The following PLEKHA8 variants were observed in gnomAD, a reference collection of about 807,000 sequenced individuals.
PLEKHA8 encodes pleckstrin homology domain containing A8, also known as pleckstrin homology domain-containing family A member 8.
In PLEKHA8, 36 loss-of-function variants were observed where a neutral mutation model predicts 68.2. The observed-to-expected ratio is 0.53, with a 90% CI of 0.40 to 0.70. PLEKHA8 has a LOEUF of 0.70. PLEKHA8 is among the 30% of genes least tolerant of loss of function. The pLI is 0.00. For synonymous variants in PLEKHA8, 211 were observed against 216.1 expected (o/e 0.98, Z 0.20); for missense variants, 505 against 615.4 (o/e 0.82, Z 1.90).
chr7:30,066,800 C>T (rs900343722), intron 12 of PLEKHA8, among the ~76,000 whole-genome samples: 1 of 152,050 alleles, frequency 6.6e-6, no homozygotes, highest in Non-Finnish European at 1.5e-5. Flanking sequence ...AAAAGTTAAC[C>T]CAACCAAGAT....
chr7:30,110,416 C>T (rs896094037), intron 13 of PLEKHA8, among the ~76,000 whole-genome samples: 1 of 152,144 alleles, frequency 6.6e-6, no homozygotes, highest in Non-Finnish European at 1.5e-5. Flanking sequence ...GATCCATTCA[C>T]CAGTTAATGA....
Position 30,083,491 on chromosome 7 carries a change from A to G in PLEKHA8, c.*4704A>G, listed in dbSNP as rs1227965764. On this transcript the variant is annotated 3_prime_UTR_variant, in exon 14 of 14. Coordinates refer to ENST00000449726, the MANE Select transcript of PLEKHA8 (RefSeq NM_001197026.2). ...TCTCAGACAGTCAATAGTCCTGTGTACAGTGACTATTTGCATGATTTCTCA... is the reference window on the plus strand; with the variant it reads ...TCTCAGACAGTCAATAGTCCTGTGTGCAGTGACTATTTGCATGATTTCTCA... The G allele has an allele frequency of 1.0e-6, 1 of 984,626 alleles. No homozygotes were observed. Among genetic ancestry groups the G allele is most frequent in the African/African-American group, 1.7e-5 (1 of 57,214 alleles). 61.0% of individuals were successfully genotyped at this position (984,626 alleles called of 1,614,324 possible). A position where few individuals can be genotyped will look rare whatever the true frequency, so the allele number is the denominator to read the frequency against.
chr7:30,083,299 T>A lies in PLEKHA8; in HGVS notation c.*4512T>A. On this transcript the variant is annotated 3_prime_UTR_variant, in exon 14 of 14. Coordinates refer to ENST00000449726, the MANE Select transcript of PLEKHA8 (RefSeq NM_001197026.2). ...ATGTCCCTTTGTAATCCGCAGTTGC[T>A]TACTCAGGGGTTTCATAGTCATTTC... 2 of 985,022 alleles carry A rather than the reference T, an allele frequency of 2.0e-6. No homozygotes were observed. The highest frequency in any genetic ancestry group is 2.4e-6 in the Non-Finnish European group (2 of 829,518). The allele number at this position is 985,022 out of a possible 1,614,324, so 61.0% of individuals were successfully genotyped here.
At chr7:30,105,742 TC>T (rs1398413189) in intron 13 of PLEKHA8, among the ~76,000 whole-genome samples, 2 of 152,232 alleles carry the variant, frequency 1.3e-5, no homozygotes, top group Middle Eastern at 3.2e-3. Context: ...TCAAGAGTTT[TC>T]CTCCAGGTAT....
chr7:30,123,230 A>T (rs1377153999), intron 13 of PLEKHA8, among the ~76,000 whole-genome samples: 1 of 152,252 alleles, frequency 6.6e-6, no homozygotes, highest in African/African-American at 2.4e-5. Context: ...TATTTTATGG[A>T]TGAAACAGTA....
rs1792536532 is a variant in PLEKHA8, at chr7:30,052,857, A to C, written c.787A>C (p.Asn263His). ...SISSEENTDDNITVQGEIRKE... is the reference protein window; with the variant it reads ...SISSEENTDDHITVQGEIRKE... The stretch of plus-strand genomic sequence containing the variant: ...ATCAAGTGAGGAAAATACAGATGAT[A>C]ATATAACAGGTAAAAACAAAAGTAA... Residue 263 changes from asparagine to histidine, a missense_variant, in exon 7 of 14, where the codon AAT becomes CAT. Transcript: ENST00000449726. 1 of 1,573,072 alleles carries C rather than the reference A, an allele frequency of 6.4e-7. No individual in the cohort carries two copies. The highest frequency in any genetic ancestry group is 8.6e-7 in the Non-Finnish European group (1 of 1,168,674).
Position 30,080,540 on chromosome 7 carries a change from T to G in PLEKHA8, c.*1753T>G, listed in dbSNP as rs1374173703. On this transcript the variant is annotated 3_prime_UTR_variant, in exon 14 of 14. Transcript: ENST00000449726. Reference sequence around the variant, plus strand: ...GTAGGGAGGGGTATTGGTTTTGCCTTTGTGTGTCTTTAAACAAATGAACAT... The same window carrying G: ...GTAGGGAGGGGTATTGGTTTTGCCTGTGTGTGTCTTTAAACAAATGAACAT... The G allele has an allele frequency of 4.1e-6, 4 of 985,254 alleles. No homozygotes were observed. In the African/African-American group the frequency reaches 7.0e-5, roughly 17 times the overall value. The allele number at this position is 985,254 out of a possible 1,614,324, so 61.0% of individuals were successfully genotyped here. A position where few individuals can be genotyped will look rare whatever the true frequency, so the allele number is the denominator to read the frequency against.
intron 9 of PLEKHA8, among the ~76,000 whole-genome samples, chr7:30,056,738 AAAAAGTGTGT>A (rs1792976068): frequency 3.1e-5 from 3 of 97,308 alleles, no homozygotes; most frequent in South Asian, 4.9e-4. Flanking sequence ...AAAAAAAAAA[AAAAAGTGTGT>A]GTGTGTGTGT....
Position 30,049,290 on chromosome 7 carries a change from T to C in PLEKHA8, c.505T>C (p.Cys169Arg). 1 of 1,614,112 alleles carries C rather than the reference T, an allele frequency of 6.2e-7. No homozygotes were observed. Among genetic ancestry groups the C allele is most frequent in the Non-Finnish European group, 8.5e-7 (1 of 1,180,028 alleles). ...CNTFLKTLEE[C>R]MQIANAAFTS... The stretch of plus-strand genomic sequence containing the variant: ...TACTTTTCTGAAGACCTTGGAAGAA[T>C]GCATGCAGATCGCAAATGCAGCCTT... Residue 169 changes from cysteine (C) to arginine (R), a missense_variant, in exon 5 of 14, where the codon TGC (cysteine) becomes CGC (arginine). Coordinates refer to ENST00000449726, the MANE Select transcript of PLEKHA8 (RefSeq NM_001197026.2).
chr7:30,039,852 C>A (rs1791397139), intron 1 of PLEKHA8, among the ~76,000 whole-genome samples: 1 of 152,112 alleles, frequency 6.6e-6, no homozygotes, highest in Non-Finnish European at 1.5e-5. Flanking sequence ...TCTTTCTTTC[C>A]AATCTAGATG....
intron 1 of PLEKHA8, among the ~76,000 whole-genome samples, chr7:30,032,037 C>T (rs1156965789): frequency 2.6e-5 from 4 of 151,906 alleles, no homozygotes; most frequent in South Asian, 2.1e-4. Context: ...TTGGACATTC[C>T]GGGATTTAGT....
chr7:30,129,507 A>G, downstream of PLEKHA8: 1 of 625,552 alleles, frequency 1.6e-6, no homozygotes, highest in Non-Finnish European at 2.8e-6. Flanking sequence ...GATGAATGCA[A>G]TTTCTAATTG....
chr7:30,083,649 A>T lies in PLEKHA8; in HGVS notation c.*4862A>T, dbSNP rs1281759188. On this transcript the variant is annotated 3_prime_UTR_variant, in exon 14 of 14. Coordinates refer to ENST00000449726, the MANE Select transcript of PLEKHA8 (RefSeq NM_001197026.2). ...ATAGCCTTTAATTAAAAGGAAAAAA[A>T]TACCACTACTCTGCAATGCAAAAGT... is the stretch of plus-strand genomic sequence containing the variant. 4.1e-6 allele frequency: 4 copies of T among 985,338 alleles called. No homozygotes were observed. The East Asian group carries it at 4.5e-4, about 112-fold the overall frequency. The allele number at this position is 985,338 out of a possible 1,614,324, so 61.0% of individuals were successfully genotyped here. A position where few individuals can be genotyped will look rare whatever the true frequency, so the allele number is the denominator to read the frequency against.
At chr7:30,035,392 A>G (rs953197372) in intron 1 of PLEKHA8, among the ~76,000 whole-genome samples, 13 of 152,208 alleles carry the variant, frequency 8.5e-5, no homozygotes, top group African/African-American at 1.9e-4. Context: ...AGGCAGGTTC[A>G]TAGTTCACTT....
intron 13 of PLEKHA8, among the ~76,000 whole-genome samples, chr7:30,107,885 A>G (rs532992890): frequency 6.6e-6 from 1 of 152,238 alleles, no homozygotes; most frequent in Admixed American, 6.5e-5. Flanking sequence ...CCTGACCAAC[A>G]TGGAGAAATC....
intron 9 of PLEKHA8, among the ~76,000 whole-genome samples, chr7:30,059,320 C>T (rs1793245883): frequency 6.6e-6 from 1 of 152,180 alleles, no homozygotes; most frequent in East Asian, 1.9e-4. Flanking sequence ...TTATTAATAG[C>T]ATGTACATGC....
intron 9 of PLEKHA8, among the ~76,000 whole-genome samples, chr7:30,059,741 T>G (rs1793288705): frequency 1.3e-5 from 2 of 152,192 alleles, no homozygotes; most frequent in South Asian, 4.1e-4. Context: ...GTTTTATTTT[T>G]TAGTCATTGT....
At chr7:30,054,280 A>T (rs912015020) in intron 7 of PLEKHA8, among the ~76,000 whole-genome samples, 1 of 152,220 alleles carries the variant, frequency 6.6e-6, no homozygotes, top group African/African-American at 2.4e-5. Context: ...TGTCTGCAAA[A>T]GTGCCGCATG....
At chr7:30,116,667 T>C (rs962027198) in intron 13 of PLEKHA8, among the ~76,000 whole-genome samples, 2 of 152,206 alleles carry the variant, frequency 1.3e-5, no homozygotes, top group Non-Finnish European at 2.9e-5. Context: ...TTCTCTCCCA[T>C]ATAAATGATT....
Sources: gnomAD v4.1 joint callset for allele counts (sites outside exome capture counted in the v4.1 genomes callset) on GRCh38, gnomAD v4.1.1 for gene constraint, MANE v1.5 for transcripts, NCBI Gene and HGNC (gene_info 2026-07-23, HGNC 2026-07-21) for gene names.